TENM3: variants seen among roughly 807,000 people sequenced by gnomAD.
TENM3 encodes teneurin transmembrane protein 3.
TENM3 carries 63 observed loss-of-function variants against 255.1 expected under a neutral mutation model. That is an observed-to-expected ratio of 0.25 (90% CI 0.20 to 0.30). The LOEUF (loss-of-function observed/expected upper bound fraction) is 0.30, where lower values mean the gene tolerates loss of function less well. TENM3 is among the 10% of genes least tolerant of loss of function. TENM3 has a pLI of 1.00. For missense variants in TENM3, 2,929 were observed against 3,461.1 expected (o/e 0.85, Z 3.86); for synonymous variants, 1,306 against 1,322.3 (o/e 0.99, Z 0.27).
chr4:182,656,044 G>A (rs1286205139), intron 6 of TENM3, among the ~76,000 whole-genome samples: 1 of 152,100 alleles, frequency 6.6e-6, no homozygotes, highest in Non-Finnish European at 1.5e-5. Context: ...TCTCTAAGGG[G>A]GACTGAAGTT....
chr4:182,534,233 C>T (rs943447283), intron 3 of TENM3, among the ~76,000 whole-genome samples: 3 of 152,058 alleles, frequency 2.0e-5, no homozygotes, highest in African/African-American at 7.2e-5. Context: ...GAGGGAGAAC[C>T]GACCCAGAAT....
chr4:182,676,176 G>A (rs1032721323), intron 7 of TENM3, among the ~76,000 whole-genome samples: 10 of 152,128 alleles, frequency 6.6e-5, no homozygotes, highest in African/African-American at 2.2e-4. Flanking sequence ...TTGAGCTTTC[G>A]CAGTCTTTGT....
At chr4:181,504,597 T>C in the TENM3 span, among the ~76,000 whole-genome samples, 1 of 152,184 alleles carries the variant, frequency 6.6e-6, no homozygotes, top group African/African-American at 2.4e-5. Context: ...GAATTCAGGA[T>C]AGTTCTAGCA....
chr4:181,941,377 C>T, the TENM3 span, among the ~76,000 whole-genome samples: 1 of 151,570 alleles, frequency 6.6e-6, no homozygotes, highest in South Asian at 2.1e-4. Context: ...CACTATGCTG[C>T]ATTCTGGATG....
At chr4:182,451,108 G>A (rs569842617) in intron 3 of TENM3, among the ~76,000 whole-genome samples, 63 of 152,168 alleles carry the variant, frequency 4.1e-4, no homozygotes, top group African/African-American at 1.4e-3. Context: ...GCACATTATA[G>A]TAAATATGGC....
intron 1 of TENM3, among the ~76,000 whole-genome samples, chr4:182,161,134 CGGCCGGGCGCGG>C (rs1751122856): frequency 8.6e-6 from 1 of 115,632 alleles, no homozygotes; most frequent in East Asian, 4.8e-4. Flanking sequence ...CAAAAATTAG[CGGCCGGGCGCGG>C]TGGCTCACGC....
chr4:181,632,459 C>T, the TENM3 span, among the ~76,000 whole-genome samples: 2 of 152,132 alleles, frequency 1.3e-5, no homozygotes, highest in Admixed American at 1.3e-4. Flanking sequence ...CATTCTACAC[C>T]AAGCTTTTAA....
the TENM3 span, among the ~76,000 whole-genome samples, chr4:182,036,048 C>T: frequency 6.6e-6 from 1 of 152,154 alleles, no homozygotes; most frequent in Non-Finnish European, 1.5e-5. Flanking sequence ...CACTCTTGCT[C>T]CATCCAACCT....
chr4:182,024,394 G>A, the TENM3 span, among the ~76,000 whole-genome samples: 6 of 152,154 alleles, frequency 3.9e-5, no homozygotes, highest in African/African-American at 1.4e-4. Context: ...TTTACTACCT[G>A]TTATGGGGAT....
chr4:181,760,395 TC>T, the TENM3 span, among the ~76,000 whole-genome samples: 1 of 152,204 alleles, frequency 6.6e-6, no homozygotes, highest in Non-Finnish European at 1.5e-5. Flanking sequence ...TTCCCCTAAT[TC>T]CCTTTATTTG....
chr4:182,384,159 C>A (rs988509113), intron 3 of TENM3, among the ~76,000 whole-genome samples: 2 of 152,168 alleles, frequency 1.3e-5, no homozygotes, highest in Non-Finnish European at 2.9e-5. Context: ...CTTTCACACT[C>A]ACCCTGTGAA....
chr4:181,599,098 G>A, the TENM3 span, among the ~76,000 whole-genome samples: 1 of 152,290 alleles, frequency 6.6e-6, no homozygotes, highest in African/African-American at 2.4e-5. Flanking sequence ...AAGTATCCAG[G>A]CAGGGGCAAA....
chr4:182,415,096 C>A (rs989469297), intron 3 of TENM3, among the ~76,000 whole-genome samples: 1 of 152,180 alleles, frequency 6.6e-6, no homozygotes, highest in East Asian at 1.9e-4. Flanking sequence ...TCTTAATGCC[C>A]ATTAAGTCTA....
chr4:181,921,914 T>C, the TENM3 span, among the ~76,000 whole-genome samples: 1 of 152,232 alleles, frequency 6.6e-6, no homozygotes, highest in East Asian at 1.9e-4. Flanking sequence ...GTCCCATCAA[T>C]ACCTAATTTA....
chr4:182,417,631 G>A (rs925808544), intron 3 of TENM3, among the ~76,000 whole-genome samples: 1 of 152,034 alleles, frequency 6.6e-6, no homozygotes, highest in African/African-American at 2.4e-5. Context: ...CACTTTGAGG[G>A]GGAAAAAATT....
the TENM3 span, among the ~76,000 whole-genome samples, chr4:181,764,587 G>A: frequency 6.6e-6 from 1 of 152,200 alleles, no homozygotes; most frequent in African/African-American, 2.4e-5. Context: ...TGATTGTTAA[G>A]AATTATTTTT....
At chr4:182,797,905 G>C (rs1388413849) in intron 27 of TENM3, among the ~76,000 whole-genome samples, 1 of 152,130 alleles carries the variant, frequency 6.6e-6, no homozygotes, top group Non-Finnish European at 1.5e-5. Context: ...CCTGTTTTTT[G>C]TTGTTTCATA....
chr4:182,402,637 G>C (rs1328207707), intron 3 of TENM3, among the ~76,000 whole-genome samples: 6 of 152,120 alleles, frequency 3.9e-5, no homozygotes, highest in Admixed American at 3.3e-4. Flanking sequence ...AGTTGGTTCG[G>C]TTTTCATTGG....
intron 1 of TENM3, among the ~76,000 whole-genome samples, chr4:182,299,559 A>G (rs1761721802): frequency 6.6e-6 from 1 of 152,238 alleles, no homozygotes; most frequent in Non-Finnish European, 1.5e-5. Context: ...GTGTGCATCA[A>G]GGTCACAGAA....
Sources: allele counts gnomAD v4.1 joint callset (sites outside exome capture counted in the v4.1 genomes callset), GRCh38; gene constraint gnomAD v4.1.1; transcripts MANE v1.5; gene names NCBI Gene and HGNC (gene_info 2026-07-23, HGNC 2026-07-21).